PLS1: variants seen among roughly 807,000 people sequenced by gnomAD.
The protein encoded by PLS1 is plastin-1.
PLS1 carries 32 observed loss-of-function variants against 73.7 expected under a neutral mutation model. The ratio of observed to expected loss-of-function variants is 0.43; its 90% CI spans 0.33 to 0.58. The LOEUF is 0.58. Ranked by LOEUF, PLS1 falls within the 20% of genes least tolerant of loss-of-function variation. PLS1 has a pLI of 0.04. For missense variants in PLS1, 633 were observed against 740.5 expected (o/e 0.85, Z 1.68); for synonymous variants, 217 against 261.3 (o/e 0.83, Z 1.63).
intron 1 of PLS1, among the ~76,000 whole-genome samples, chr3:142,662,854 T>C (rs1462541046): frequency 1.9e-4 from 29 of 152,160 alleles, no homozygotes; most frequent in Admixed American, 1.9e-3. Flanking sequence ...ACAAAAAGGT[T>C]ATAATATTGT....
intron 1 of PLS1, among the ~76,000 whole-genome samples, chr3:142,633,290 A>G (rs2036606070): frequency 6.6e-6 from 1 of 152,230 alleles, no homozygotes; most frequent in South Asian, 2.1e-4. Context: ...ACAAAGTTAT[A>G]GAGAACTGTT....
intron 12 of PLS1, among the ~76,000 whole-genome samples, chr3:142,703,500 T>C (rs2038378348): frequency 6.6e-6 from 1 of 152,142 alleles, no homozygotes; most frequent in African/African-American, 2.4e-5. Context: ...TTCACCATGT[T>C]GGCCAGGCTG....
chr3:142,657,313 A>T (rs1171075123), intron 1 of PLS1: 1 of 152,222 alleles, frequency 6.6e-6, no homozygotes, highest in Non-Finnish European at 1.5e-5. Context: ...GTGGTTTCTC[A>T]GAGGTGGCCT....
rs1273459453 is a variant in PLS1, at chr3:142,636,797, G to A, written c.-36-27405G>A. Among the ~76,000 whole-genome samples, 3 of 152,260 alleles carry A rather than the reference G, an allele frequency of 2.0e-5. No homozygotes were observed. The East Asian group carries it at 5.8e-4, about 29-fold the overall frequency. On this transcript the variant is annotated intron_variant, in intron 1 of 15. Coordinates refer to ENST00000457734, the MANE Select transcript of PLS1 (RefSeq NM_001145319.2). ...CTTAACCGAAGAAGATATATGGATG[G>A]GTAGATAAGCTCATGAAAAGATGCT...
rs1271104689 is a variant in PLS1 at position 142,684,243 on chromosome 3, T to A, written c.746-10T>A. 1 of 1,614,138 alleles carries A rather than the reference T, an allele frequency of 6.2e-7. No individual in the cohort carries two copies. Among genetic ancestry groups the A allele is most frequent in the Non-Finnish European group, 8.5e-7 (1 of 1,179,980 alleles). ...TGGGAAGAATTTACATTTCGCTGTT[T>A]TGCCCTCAGCTCTGATTGCATTGTT... On this transcript the variant is annotated splice_polypyrimidine_tract_variant and intron_variant, in intron 7 of 15. Coordinates refer to ENST00000457734, the MANE Select transcript of PLS1 (RefSeq NM_001145319.2).
At chr3:142,629,693 A>T (rs1318632883) in intron 1 of PLS1, among the ~76,000 whole-genome samples, 1 of 152,218 alleles carries the variant, frequency 6.6e-6, no homozygotes, top group Non-Finnish European at 1.5e-5. Context: ...AAAACCATGT[A>T]GTAATGTACA....
At chr3:142,679,918 C>T (rs2037812307) in intron 6 of PLS1, among the ~76,000 whole-genome samples, 1 of 152,084 alleles carries the variant, frequency 6.6e-6, no homozygotes, top group East Asian at 1.9e-4. Flanking sequence ...ATGGAATGTT[C>T]TTCCATTTGT....
intron 1 of PLS1, among the ~76,000 whole-genome samples, chr3:142,648,847 T>C (rs1451161365): frequency 6.6e-6 from 1 of 152,176 alleles, no homozygotes; most frequent in African/African-American, 2.4e-5. Flanking sequence ...CAGCAAACTA[T>C]AGTGTGGGTC....
chr3:142,640,491 A>T (rs962477195), intron 1 of PLS1, among the ~76,000 whole-genome samples: 1 of 152,224 alleles, frequency 6.6e-6, no homozygotes, highest in African/African-American at 2.4e-5. Flanking sequence ...TTCCTTTGAC[A>T]TCACTGAGTA....
chr3:142,694,655 C>A, intron 11 of PLS1, 108 bp downstream of exon 11: 1 of 607,408 alleles, frequency 1.6e-6, no homozygotes, highest in Non-Finnish European at 2.9e-6. Context: ...AGAATTTTAG[C>A]CAATTTTTAG....
chr3:142,655,305 G>A (rs1036920143), intron 1 of PLS1, among the ~76,000 whole-genome samples: 12 of 152,166 alleles, frequency 7.9e-5, no homozygotes, highest in Non-Finnish European at 1.8e-4. Context: ...CATTAATTTG[G>A]CAATGTGGGG....
Position 142,676,292 on chromosome 3 carries a change from G to C in PLS1, c.497+3G>C. Reference sequence around the variant, plus strand: ...CTTGCAGATGGCATCCTTCTTTGGTGAGTTGAACTTCTGGTTAAGGAAGCT... The same window carrying C: ...CTTGCAGATGGCATCCTTCTTTGGTCAGTTGAACTTCTGGTTAAGGAAGCT... On this transcript the variant is annotated splice_donor_region_variant and intron_variant, in intron 5 of 15. Coordinates refer to ENST00000457734, the MANE Select transcript of PLS1 (RefSeq NM_001145319.2). 6.2e-7 allele frequency: 1 copy of C among 1,610,800 alleles called. No individual in the cohort carries two copies. Among genetic ancestry groups the C allele is most frequent in the Non-Finnish European group, 8.5e-7 (1 of 1,179,028 alleles).
At chr3:142,599,503 G>T (rs868006965) in intron 1 of PLS1, among the ~76,000 whole-genome samples, 80 of 151,036 alleles carry the variant, frequency 5.3e-4, no homozygotes, top group African/African-American at 1.6e-3. Flanking sequence ...CTAATTTTTT[G>T]TATTTTTAGT....
At chr3:142,700,366 A>G (rs1230327823) in intron 12 of PLS1, among the ~76,000 whole-genome samples, 2 of 152,048 alleles carry the variant, frequency 1.3e-5, no homozygotes, top group East Asian at 3.9e-4. Flanking sequence ...TCTGTTGCCC[A>G]GGCTGGAGTG....
chr3:142,597,150 G>C (rs889191025), intron 1 of PLS1: 1 of 152,134 alleles, frequency 6.6e-6, no homozygotes, highest in East Asian at 1.9e-4. Context: ...CGGTCGTTTA[G>C]ATGAGTAACA....
chr3:142,688,411 A>C (rs368909790), intron 9 of PLS1, among the ~76,000 whole-genome samples: 1 of 152,226 alleles, frequency 6.6e-6, no homozygotes, highest in East Asian at 1.9e-4. Context: ...GGGTCTGTGC[A>C]TACCCATTTT....
In PLS1 at chr3:142,671,017, GAT is replaced by G. The variant is rs1213070848; in HGVS notation, c.262_263del (p.Ile88GlnfsTer9). ...GCTAATGCAAGAATTAAAAAGCAAA[GAT>G]ATCAGCAAAACATTCCGAAAAATAA... ...VSLMQELKSK[D>X]ISKTFRKIIN... On this transcript the variant is annotated frameshift_variant, in exon 4 of 16. Coordinates refer to ENST00000457734, the MANE Select transcript of PLS1 (RefSeq NM_001145319.2). LOFTEE classifies it high-confidence loss of function. 25 of 1,599,550 alleles carry G rather than the reference GAT, an allele frequency of 1.6e-5. No homozygotes were observed. The highest frequency in any genetic ancestry group is 2.0e-5 in the Non-Finnish European group (23 of 1,168,490).
intron 1 of PLS1, among the ~76,000 whole-genome samples, chr3:142,632,199 C>CA (rs2036580120): frequency 6.6e-6 from 1 of 152,094 alleles, no homozygotes; most frequent in Non-Finnish European, 1.5e-5. Context: ...AAATTATACA[C>CA]ATTCAGTACA....
At chr3:142,683,270 C>T (rs1052725281) in intron 6 of PLS1, among the ~76,000 whole-genome samples, 19 of 152,218 alleles carry the variant, frequency 1.2e-4, no homozygotes, top group African/African-American at 4.1e-4. Flanking sequence ...TTTGGGAGGC[C>T]GAGGCGGGCA....
Sources: allele counts gnomAD v4.1 joint callset (sites outside exome capture counted in the v4.1 genomes callset), GRCh38; gene constraint gnomAD v4.1.1; transcripts MANE v1.5; gene names NCBI Gene and HGNC (gene_info 2026-07-23, HGNC 2026-07-21).